The following CRLF2 variants were observed in gnomAD, a reference collection of about 807,000 sequenced individuals.
CRLF2 encodes the protein cytokine receptor like factor 2, also known as cytokine receptor-like factor 2.
In CRLF2, 41 loss-of-function variants were observed where a neutral mutation model predicts 38.7. That is an observed-to-expected ratio of 1.06 (90% CI 0.83 to 1.37). CRLF2 has a LOEUF of 1.37. Among genes scored for constraint, CRLF2 ranks in the 40% most tolerant of loss-of-function variants. The pLI is 0.00. For synonymous variants in CRLF2, 140 were observed against 128.8 expected (o/e 1.09, Z -0.59); for missense variants, 377 against 322.2 (o/e 1.17, Z -1.30).
At chrX:1,211,999 G>A (rs755691435) in intron 1 of CRLF2, among the ~76,000 whole-genome samples, 1 of 150,580 alleles carries the variant, frequency 6.6e-6, no homozygotes, top group South Asian at 2.1e-4. Flanking sequence ...TAACAGCTGG[G>A]TGGATGGTGG....
In CRLF2 at chrX:1,212,580, TCCAGCCTC is replaced by T; in HGVS notation, c.47_54del (p.Gly16AspfsTer47). 6.2e-7 allele frequency: 1 copy of T among 1,612,462 alleles called. No individual in the cohort carries two copies. The highest frequency in any genetic ancestry group is 1.7e-5 in the Admixed American group (1 of 59,836). On this transcript the variant is annotated frameshift_variant, in exon 1 of 8. Transcript: ENST00000400841. LOFTEE classifies it high-confidence loss of function. The stretch of plus-strand genomic sequence containing the variant: ...CCTGCTCCTCCTTGCCCCAAAGCCA[TCCAGCCTC>T]CCAGCAGAAAGACGGCAGCTCCCCA...
intron 3 of CRLF2, among the ~76,000 whole-genome samples, chrX:1,206,017 C>T (rs2086684759): frequency 6.6e-6 from 1 of 151,752 alleles, no homozygotes; most frequent in Admixed American, 6.6e-5. Context: ...TTACGGTAAT[C>T]ATTGATCCAG....
At chrX:1,192,645 CTTT>C (rs1252567962) in intron 7 of CRLF2, among the ~76,000 whole-genome samples, 2 of 150,774 alleles carry the variant, frequency 1.3e-5, no homozygotes, top group East Asian at 3.9e-4. Context: ...TCTTCCTTTT[CTTT>C]TTTTCTTTCT....
intron 6 of CRLF2, among the ~76,000 whole-genome samples, chrX:1,195,007 G>A (rs2086452799): frequency 6.6e-6 from 1 of 151,874 alleles, no homozygotes; most frequent in African/African-American, 2.4e-5. Flanking sequence ...ACTCCAGCCT[G>A]GGTGACAGAG....
chrX:1,206,412 A>T, intron 3 of CRLF2, 21 bp downstream of exon 3: 4 of 1,609,686 alleles, frequency 2.5e-6, no homozygotes, highest in Non-Finnish European at 3.4e-6. Flanking sequence ...AAGCATGGTG[A>T]GCTGGCTTTA....
intron 7 of CRLF2, among the ~76,000 whole-genome samples, chrX:1,192,703 TTTTCTTTTC>T (rs1167494397): frequency 4.9e-4 from 73 of 147,530 alleles, no homozygotes; most frequent in East Asian, 2.0e-3. Context: ...TTTTCTTTTC[TTTTCTTTTC>T]TTTCTTTCTT....
intron 4 of CRLF2, among the ~76,000 whole-genome samples, chrX:1,199,425 C>T (rs1603396305): frequency 1.3e-5 from 2 of 152,080 alleles, no homozygotes; most frequent in South Asian, 4.1e-4. Context: ...GTGCCTCAGC[C>T]TCCCGAGTAG....
At chrX:1,196,436 T>C (rs1227277066) in intron 6 of CRLF2, among the ~76,000 whole-genome samples, 1 of 151,960 alleles carries the variant, frequency 6.6e-6, no homozygotes, top group African/African-American at 2.4e-5. Flanking sequence ...TTCACCTGCC[T>C]TGGCATCACA....
At chrX:1,203,585 C>T (rs1187353733) in intron 3 of CRLF2, among the ~76,000 whole-genome samples, 1 of 150,748 alleles carries the variant, frequency 6.6e-6, no homozygotes, top group Non-Finnish European at 1.5e-5. Flanking sequence ...GAAGAGGAGA[C>T]ACAGAGGAGA....
intron 5 of CRLF2, among the ~76,000 whole-genome samples, chrX:1,197,758 G>C (rs1384602171): frequency 2.6e-5 from 4 of 151,720 alleles, no homozygotes; most frequent in Non-Finnish European, 4.4e-5. Context: ...AGGTTGCAGT[G>C]AGCCAAGACC....
chrX:1,192,667 TTCTTTCTCTTTCTTTTTC>T (rs1452500676), intron 7 of CRLF2, among the ~76,000 whole-genome samples: 1 of 151,674 alleles, frequency 6.6e-6, no homozygotes, highest in East Asian at 1.9e-4. Flanking sequence ...CTTTCCTTTT[TTCTTTCTCTTTCTTTTTC>T]TCTTTCTTTT....
At chrX:1,199,138 G>A (rs2086556982) in intron 4 of CRLF2, 1 of 248,374 alleles carries the variant, frequency 4.0e-6, no homozygotes, top group Non-Finnish European at 8.1e-6. Flanking sequence ...GACAGAGCGG[G>A]ACTGTGTCTA....
At chrX:1,191,298 T>TTTCTTTCTTTCC (rs2086369785) in intron 7 of CRLF2, 138 bp from the exon 8 acceptor site, 1 of 328,300 alleles carries the variant, frequency 3.0e-6, no homozygotes, top group Non-Finnish European at 5.1e-6. Context: ...TTCTTTTCTC[T>TTTCTTTCTTTCC]TTCTTTCTTT....
chrX:1,192,896 C>G (rs1257307065), intron 7 of CRLF2, among the ~76,000 whole-genome samples: 1 of 151,014 alleles, frequency 6.6e-6, no homozygotes, highest in Non-Finnish European at 1.5e-5. Context: ...TCACTGCAAC[C>G]TCTGCCTCCA....
chrX:1,198,220 G>C (rs764417729), intron 5 of CRLF2, among the ~76,000 whole-genome samples: 17 of 128,860 alleles, frequency 1.3e-4, no homozygotes, highest in South Asian at 2.6e-4. Context: ...CACCTCGAAG[G>C]CAGGACACCC....
intron 3 of CRLF2, among the ~76,000 whole-genome samples, chrX:1,203,228 C>T (rs1370624705): frequency 8.6e-5 from 13 of 151,726 alleles, no homozygotes; most frequent in Middle Eastern, 3.4e-3. Flanking sequence ...GTGTCCTTCT[C>T]GGAGACAGAG....
At chrX:1,209,344 T>TGTAG (rs1569473201) in intron 1 of CRLF2, among the ~76,000 whole-genome samples, 7 of 107,484 alleles carry the variant, frequency 6.5e-5, no homozygotes, top group South Asian at 5.8e-4. Context: ...GTGTAGTGTA[T>TGTAG]TGTGTGAGAC....
chrX:1,198,796 G>A lies in CRLF2; in HGVS notation c.484-72C>T, dbSNP rs1417468640. ...ACACACACACACAATGATTAGTGAT[G>A]TAACCTGTCTGTCCAGAGTTTTCCT... On this transcript the variant is annotated intron_variant, in intron 4 of 7. Coordinates refer to ENST00000400841, the MANE Select transcript of CRLF2 (RefSeq NM_022148.4). The A allele has an allele frequency of 1.9e-5, 25 of 1,337,084 alleles. No homozygotes were observed. The Middle Eastern group carries it at 9.4e-4, about 50-fold the overall frequency. 82.8% of individuals were successfully genotyped at this position (1,337,084 alleles called of 1,614,324 possible).
At chrX:1,202,578 G>A in intron 3 of CRLF2, 43 bp from the exon 4 acceptor site, 1 of 1,612,992 alleles carries the variant, frequency 6.2e-7, no homozygotes, top group Non-Finnish European at 8.5e-7. Context: ...TCCTCTCTGA[G>A]CTGATTGTGA....
Sources: gnomAD v4.1 joint callset for allele counts (sites outside exome capture counted in the v4.1 genomes callset) on GRCh38, gnomAD v4.1.1 for gene constraint, MANE v1.5 for transcripts, NCBI Gene and HGNC (gene_info 2026-07-23, HGNC 2026-07-21) for gene names.